Variants in BCL2L13 observed in about 807,000 individuals in gnomAD.
The protein encoded by BCL2L13 is bcl-2-like protein 13.
In BCL2L13, 13 loss-of-function variants were observed where a neutral mutation model predicts 25.8. That is an observed-to-expected ratio of 0.50 (90% CI 0.33 to 0.80). The LOEUF (loss-of-function observed/expected upper bound fraction) is 0.80. Ranked by LOEUF, BCL2L13 falls within the 30% of genes least tolerant of loss-of-function variation. The pLI is 0.02. For synonymous variants in BCL2L13, 244 were observed against 230.3 expected (o/e 1.06, Z -0.54); for missense variants, 504 against 574.9 (o/e 0.88, Z 1.26).
At chr22:17,717,541 G>A (rs2060982472) in intron 6 of BCL2L13, among the ~76,000 whole-genome samples, 1 of 151,960 alleles carries the variant, frequency 6.6e-6, no homozygotes, top group African/African-American at 2.4e-5. Context: ...CCTCCTGCCT[G>A]GGCGTCCAAA....
chr22:17,650,927 C>T (rs1005340646), intron 1 of BCL2L13, among the ~76,000 whole-genome samples: 1 of 151,774 alleles, frequency 6.6e-6, no homozygotes, highest in Non-Finnish European at 1.5e-5. Context: ...AGTCCTCTTG[C>T]CTCTGCTTCC....
intron 1 of BCL2L13, among the ~76,000 whole-genome samples, chr22:17,631,670 G>GTGTGTATA (rs1203626385): frequency 3.0e-4 from 8 of 26,880 alleles, no homozygotes; most frequent in East Asian, 2.0e-3. Context: ...GTGTGTGTGT[G>GTGTGTATA]TATATATATA....
chr22:17,657,972 G>A (rs531318303), intron 2 of BCL2L13, among the ~76,000 whole-genome samples: 1 of 151,518 alleles, frequency 6.6e-6, no homozygotes, highest in South Asian at 2.1e-4. Context: ...ACAGGCGCAT[G>A]CCACCAGCCC....
intron 1 of BCL2L13, among the ~76,000 whole-genome samples, chr22:17,646,888 TTGTGTG>T (rs71201853): frequency 0.55 from 49,208 of 89,352 alleles, 13,886 homozygotes; most frequent in East Asian, 0.76. Flanking sequence ...CCCAGCTAAT[TTGTGTG>T]TGTGTGTGTG....
chr22:17,662,445 T>C (rs1056116233), intron 2 of BCL2L13, among the ~76,000 whole-genome samples: 1 of 152,180 alleles, frequency 6.6e-6, no homozygotes, highest in Non-Finnish European at 1.5e-5. Context: ...GCCACTGCAC[T>C]CCAGCCTAGG....
intron 3 of BCL2L13, among the ~76,000 whole-genome samples, chr22:17,687,006 G>C (rs2059961341): frequency 6.6e-6 from 1 of 151,894 alleles, no homozygotes; most frequent in East Asian, 1.9e-4. Flanking sequence ...TCTCCAGCTT[G>C]CTCAAACAAC....
At chr22:17,690,352 C>T (rs575346218) in intron 4 of BCL2L13, among the ~76,000 whole-genome samples, 2 of 151,684 alleles carry the variant, frequency 1.3e-5, no homozygotes, top group African/African-American at 4.8e-5. Context: ...TTTTTATTTT[C>T]CTGTAAGCAA....
chr22:17,673,517 A>C (rs1601606027), intron 2 of BCL2L13, among the ~76,000 whole-genome samples: 1 of 146,248 alleles, frequency 6.8e-6, no homozygotes, highest in Non-Finnish European at 1.5e-5. Context: ...ACAGTCGCCC[A>C]CTACCATGCC....
chr22:17,637,708 C>G (rs910735758), upstream of BCL2L13, among the ~76,000 whole-genome samples: 9 of 152,090 alleles, frequency 5.9e-5, no homozygotes, highest in African/African-American at 2.2e-4. Context: ...GTCACTAAGC[C>G]TTTCCTTTGC....
chr22:17,658,228 T>G (rs560002653), intron 2 of BCL2L13, among the ~76,000 whole-genome samples: 1 of 152,326 alleles, frequency 6.6e-6, no homozygotes, highest in South Asian at 2.1e-4. Flanking sequence ...GTGTATATTC[T>G]GTTTTTTAAT....
At chr22:17,719,702 G>A (rs1202022361) in intron 6 of BCL2L13, among the ~76,000 whole-genome samples, 1 of 151,848 alleles carries the variant, frequency 6.6e-6, no homozygotes, top group Non-Finnish European at 1.5e-5. Context: ...GGTGGTGGGC[G>A]CCTGTAATCC....
At chr22:17,668,758 C>T (rs2059319936) in intron 2 of BCL2L13, among the ~76,000 whole-genome samples, 1 of 152,184 alleles carries the variant, frequency 6.6e-6, no homozygotes, top group South Asian at 2.1e-4. Context: ...AGCCACTGCG[C>T]TTGGCCTGAT....
At chr22:17,671,258 A>T (rs2059407221) in intron 2 of BCL2L13, among the ~76,000 whole-genome samples, 1 of 151,866 alleles carries the variant, frequency 6.6e-6, no homozygotes, top group African/African-American at 2.4e-5. Flanking sequence ...GGTGGGTGTG[A>T]TGGTGGGTGC....
At chr22:17,695,395 C>T (rs2060234810) in intron 4 of BCL2L13, among the ~76,000 whole-genome samples, 1 of 152,112 alleles carries the variant, frequency 6.6e-6, no homozygotes, top group Admixed American at 6.6e-5. Context: ...GATCTCGGCT[C>T]ACTGCAATCT....
chr22:17,728,414 C>A lies in BCL2L13; in HGVS notation c.*880C>A, dbSNP rs1177941403. The A allele has an allele frequency of 2.6e-5, 4 of 152,220 alleles. No homozygotes were observed. In the East Asian group the frequency reaches 7.7e-4, roughly 29 times the overall value. The allele number at this position is 152,220 out of a possible 1,614,324, so 9.4% of individuals were successfully genotyped here. Reference sequence around the variant, plus strand: ...ACTCTGGCTAGAGAGACACATGTGTCTTGTGTCAAGGCAGGAGGATAACCT... The same window carrying A: ...ACTCTGGCTAGAGAGACACATGTGTATTGTGTCAAGGCAGGAGGATAACCT... On this transcript the variant is annotated 3_prime_UTR_variant, in exon 7 of 7. Coordinates refer to ENST00000317582, the MANE Select transcript of BCL2L13 (RefSeq NM_015367.4).
At chr22:17,711,106 C>G (rs1299707328) in intron 6 of BCL2L13, among the ~76,000 whole-genome samples, 1 of 151,796 alleles carries the variant, frequency 6.6e-6, no homozygotes, top group African/African-American at 2.4e-5. Context: ...CCTGTAATCC[C>G]AGCAACTCAA....
At chr22:17,668,745 G>A (rs180956785) in intron 2 of BCL2L13, among the ~76,000 whole-genome samples, 232 of 152,294 alleles carry the variant, frequency 1.5e-3, no homozygotes, top group African/African-American at 5.3e-3. Context: ...GATTACAGAC[G>A]TGAGCCACTG....
At chr22:17,638,454 A>G, upstream of BCL2L13, 2 of 392,384 alleles carry the variant, frequency 5.1e-6, no homozygotes, top group Admixed American at 4.4e-5. Context: ...GGAACTGAAC[A>G]TAGCCTGTGC....
At chr22:17,720,523 A>AT (rs1214801018) in intron 6 of BCL2L13, among the ~76,000 whole-genome samples, 1 of 151,344 alleles carries the variant, frequency 6.6e-6, no homozygotes, top group Non-Finnish European at 1.5e-5. Context: ...TGCCTGGCTA[A>AT]TTTTTTTGTA....
Sources: gnomAD v4.1 joint callset for allele counts (sites outside exome capture counted in the v4.1 genomes callset) on GRCh38, gnomAD v4.1.1 for gene constraint, MANE v1.5 for transcripts, NCBI Gene and HGNC (gene_info 2026-07-23, HGNC 2026-07-21) for gene names.